Variants in CTNNA2 observed in about 807,000 individuals in gnomAD.
The protein encoded by CTNNA2 is catenin alpha 2.
Under a neutral mutation model 101.0 loss-of-function variants are expected in CTNNA2, and 42 were observed. That is an observed-to-expected ratio of 0.42 (90% CI 0.32 to 0.54). The LOEUF (loss-of-function observed/expected upper bound fraction) is 0.54, where lower values mean the gene tolerates loss of function less well. CTNNA2 is among the 20% of genes least tolerant of loss of function. The pLI, the probability that CTNNA2 is intolerant of heterozygous loss-of-function variation, is 0.14. For synonymous variants in CTNNA2, 450 were observed against 456.4 expected, an observed-to-expected ratio of 0.99 and a Z score of 0.18; for missense variants, 871 against 1,223.1, an observed-to-expected ratio of 0.71 and a Z score of 4.29.
In CTNNA2 at chr2:79,858,785, A is replaced by G. The variant is rs530292214; in HGVS notation, c.465+606A>G. ...CTCTGGGTGGGCACATACTTGTCCCACTAACCCATAGAACACCATTCTATG... is the reference window on the plus strand; with the variant it reads ...CTCTGGGTGGGCACATACTTGTCCCGCTAACCCATAGAACACCATTCTATG... On this transcript the variant is annotated intron_variant, in intron 4 of 18. Transcript: ENST00000402739. Among the ~76,000 whole-genome samples, 77 of 152,254 alleles carry G rather than the reference A, an allele frequency of 5.1e-4. 1 individual carries two copies. The highest frequency in any genetic ancestry group is 9.6e-4 in the Non-Finnish European group (65 of 68,020).
rs146924368 is a variant in CTNNA2 at position 79,666,626 on chromosome 2, G to C, written c.102+14968G>C. ...CACAAATACGGATGGTGCTTGATAA[G>C]TGCTGACACAGGAGATTTTCAGACG... On this transcript the variant is annotated intron_variant, in intron 2 of 18. Transcript: ENST00000402739. 2.7e-3 allele frequency among the ~76,000 whole-genome samples: 416 copies of C among 152,290 alleles called. 8 individuals are homozygous for C. The highest frequency in any genetic ancestry group is 7.5e-4 in the Non-Finnish European group (51 of 68,022).
intron 7 of CTNNA2, among the ~76,000 whole-genome samples, chr2:80,043,098 TC>T (rs1558755080): frequency 0.015 from 356 of 24,520 alleles, 5 homozygotes; most frequent in African/African-American, 0.062. Flanking sequence ...TTTCTTTCTC[TC>T]TCTCTCTCTC....
intron 4 of CTNNA2, among the ~76,000 whole-genome samples, chr2:79,864,660 A>T (rs116159365): frequency 6.6e-6 from 1 of 152,200 alleles, no homozygotes; most frequent in Non-Finnish European, 1.5e-5. Context: ...GATTTTACAG[A>T]TACTCAGGAT....
chr2:80,413,583 G>C (rs1308481628), intron 8 of CTNNA2, among the ~76,000 whole-genome samples: 1 of 152,178 alleles, frequency 6.6e-6, no homozygotes, highest in Non-Finnish European at 1.5e-5. Flanking sequence ...ACTTTGGGTA[G>C]ATTATAGCAC....
intron 4 of CTNNA2, among the ~76,000 whole-genome samples, chr2:79,447,345 GA>G (rs1678845007): frequency 6.6e-6 from 1 of 151,820 alleles, no homozygotes; most frequent in Non-Finnish European, 1.5e-5. Flanking sequence ...TTTTTTCCAG[GA>G]AAAAAATCGA....
At chr2:79,646,324 A>C (rs1302256487) in intron 1 of CTNNA2, among the ~76,000 whole-genome samples, 1 of 152,170 alleles carries the variant, frequency 6.6e-6, no homozygotes, top group African/African-American at 2.4e-5. Flanking sequence ...TGGCTGCTTC[A>C]CAGAGGAGCC....
At chr2:80,195,089 G>C (rs1706750938) in intron 7 of CTNNA2, among the ~76,000 whole-genome samples, 1 of 152,082 alleles carries the variant, frequency 6.6e-6, no homozygotes, top group Non-Finnish European at 1.5e-5. Context: ...TTTACTTAAA[G>C]ACTCTTAGTA....
intron 4 of CTNNA2, among the ~76,000 whole-genome samples, chr2:79,422,920 C>G (rs190222066): frequency 1.9e-4 from 29 of 152,234 alleles, no homozygotes; most frequent in African/African-American, 6.7e-4. Context: ...AGAGTACATA[C>G]TGCAGTTTGT....
chr2:80,291,068 G>A (rs1405290010), intron 7 of CTNNA2, among the ~76,000 whole-genome samples: 1 of 152,124 alleles, frequency 6.6e-6, no homozygotes, highest in African/African-American at 2.4e-5. Flanking sequence ...CAAAGAACAA[G>A]GTGTGGCTTG....
chr2:80,367,945 G>T (rs1675087751), intron 7 of CTNNA2, among the ~76,000 whole-genome samples: 1 of 152,068 alleles, frequency 6.6e-6, no homozygotes, highest in Admixed American at 6.6e-5. Context: ...TGGCAGTTGA[G>T]TTCCAAGATG....
chr2:80,517,074 A>C (rs1012131411), intron 9 of CTNNA2, among the ~76,000 whole-genome samples: 2 of 152,186 alleles, frequency 1.3e-5, no homozygotes, highest in East Asian at 3.9e-4. Flanking sequence ...GGTGCTGCAC[A>C]GAAAGGTAAA....
chr2:79,942,758 AT>A (rs1688240530), intron 7 of CTNNA2, among the ~76,000 whole-genome samples: 1 of 152,176 alleles, frequency 6.6e-6, no homozygotes, highest in Admixed American at 6.5e-5. Context: ...CTGGCAACAC[AT>A]CTCTTTTGTG....
intron 7 of CTNNA2, among the ~76,000 whole-genome samples, chr2:80,003,021 T>G (rs1022823028): frequency 2.0e-5 from 3 of 152,102 alleles, no homozygotes; most frequent in Non-Finnish European, 4.4e-5. Flanking sequence ...CCCACTTAGG[T>G]TAAGTGGTAA....
chr2:79,199,721 G>A (rs1326934028), intron 2 of CTNNA2, among the ~76,000 whole-genome samples: 1 of 152,106 alleles, frequency 6.6e-6, no homozygotes, highest in African/African-American at 2.4e-5. Flanking sequence ...AGTCTGGGTA[G>A]TCCAAGAACA....
chr2:79,770,884 A>C (rs1449111865), intron 3 of CTNNA2, among the ~76,000 whole-genome samples: 4 of 152,200 alleles, frequency 2.6e-5, no homozygotes, highest in African/African-American at 9.6e-5. Flanking sequence ...TCAATTCTTA[A>C]CTTGTATAGC....
At chr2:79,376,459 T>TTG (rs1553406746) in intron 4 of CTNNA2, among the ~76,000 whole-genome samples, 17 of 151,772 alleles carry the variant, frequency 1.1e-4, no homozygotes, top group East Asian at 9.7e-4. Flanking sequence ...TGGTTTTGTT[T>TTG]TTGTTTTTGT....
At chr2:80,534,419 C>A (rs1019926659) in intron 9 of CTNNA2, among the ~76,000 whole-genome samples, 1 of 152,126 alleles carries the variant, frequency 6.6e-6, no homozygotes, top group African/African-American at 2.4e-5. Flanking sequence ...TGAGTGCCCT[C>A]CTATGTATGA....
At chr2:79,933,136 A>G (rs1348881889) in intron 7 of CTNNA2, among the ~76,000 whole-genome samples, 4 of 152,204 alleles carry the variant, frequency 2.6e-5, no homozygotes, top group Non-Finnish European at 4.4e-5. Context: ...CTGTGTTAAC[A>G]TCACCACTAC....
chr2:80,245,253 C>T (rs1310751689), intron 7 of CTNNA2, among the ~76,000 whole-genome samples: 1 of 152,182 alleles, frequency 6.6e-6, no homozygotes, highest in African/African-American at 2.4e-5. Flanking sequence ...TGAACTCTCT[C>T]TTATTCGAGT....
Sources: gnomAD v4.1 joint callset for allele counts (sites outside exome capture counted in the v4.1 genomes callset) on GRCh38, gnomAD v4.1.1 for gene constraint, MANE v1.5 for transcripts, NCBI Gene and HGNC (gene_info 2026-07-23, HGNC 2026-07-21) for gene names.